The following ESRRB variants were observed in gnomAD, a reference collection of about 807,000 sequenced individuals.
ESRRB encodes the protein steroid hormone receptor ERR2.
A neutral mutation model predicts 46.0 loss-of-function variants in ESRRB; 16 were observed. The observed-to-expected ratio is 0.35, with a 90% confidence interval of 0.24 to 0.53. The LOEUF (loss-of-function observed/expected upper bound fraction) is 0.53, where lower values mean the gene tolerates loss of function less well. ESRRB is among the 20% of genes least tolerant of loss of function. The pLI is 0.93. For missense variants in ESRRB, 488 were observed against 607.4 expected (o/e 0.80, Z 2.07); for synonymous variants, 246 against 259.6 (o/e 0.95, Z 0.50).
Position 76,482,204 on chromosome 14 carries a change from T to A in ESRRB, c.688+78T>A, listed in dbSNP as rs1346681070. On this transcript the variant is annotated intron_variant, in intron 4 of 6. Transcript: ENST00000644823. The surrounding 1 kb of genome is among the most constrained non-coding windows in gnomAD (Gnocchi z 4.3). ...TCAGGCATCCCTTAGGGAAACATCATCTTCCCACCACTGGGTCATGAGACA... is the reference window on the plus strand; with the variant it reads ...TCAGGCATCCCTTAGGGAAACATCAACTTCCCACCACTGGGTCATGAGACA... 1 of 1,065,136 alleles carries A rather than the reference T, an allele frequency of 9.4e-7. No homozygotes were observed. Among genetic ancestry groups the A allele is most frequent in the African/African-American group, 1.6e-5 (1 of 64,218 alleles). 66.0% of individuals were successfully genotyped at this position (1,065,136 alleles called of 1,614,324 possible). A position where few individuals can be genotyped will look rare whatever the true frequency, so the allele number is the denominator to read the frequency against.
intron 1 of ESRRB, among the ~76,000 whole-genome samples, chr14:76,385,882 A>G (rs769254665): frequency 6.6e-6 from 1 of 152,202 alleles, no homozygotes; most frequent in Non-Finnish European, 1.5e-5. Flanking sequence ...TTAGATGTGT[A>G]GATTCTCTTT....
intron 1 of ESRRB, among the ~76,000 whole-genome samples, chr14:76,419,465 G>A (rs1595098700): frequency 6.6e-6 from 1 of 152,132 alleles, no homozygotes; most frequent in Non-Finnish European, 1.5e-5. Context: ...CTGGGGGTGA[G>A]AATATTCACC....
Position 76,491,576 on chromosome 14 carries a change from T to C in ESRRB, c.980T>C (p.Ile327Thr), listed in dbSNP as rs745788988. 2 of 1,592,090 alleles carry C rather than the reference T, an allele frequency of 1.3e-6. No individual in the cohort carries two copies. The change falls in exon 6 of 7, where the codon ATC becomes ACC. Residue 327 changes from isoleucine (I) to threonine (T), a missense_variant. Physicochemically the swap from Ile to Thr is moderately conservative, Grantham distance 89. Transcript: ENST00000644823. ...AAGCTGGTGTACGCTGAGGACTACA[T>C]CATGGATGAGGAGCACTCCCGCCTC... ...DDKLVYAEDY[I>T]MDEEHSRLAG...
In ESRRB at chr14:76,439,438, G is replaced by A. The variant is rs1443478910; in HGVS notation, c.148G>A (p.Ala50Thr). 11 of 1,613,398 alleles carry A rather than the reference G, an allele frequency of 6.8e-6. No individual in the cohort carries two copies. Among genetic ancestry groups the A allele is most frequent in the Non-Finnish European group, 9.3e-6 (11 of 1,179,874 alleles). ...GTCCAGCCCGTCCTCGGGCATCGAT[G>A]CCCTCAGCCACCACAGCCCCAGTGG... ...EPSSPSSGID[A>T]LSHHSPSGSS... The change falls in exon 2 of 7, where the codon GCC (alanine) becomes ACC (threonine). Residue 50 changes from alanine (A) to threonine (T), a missense_variant. By Grantham distance (58) the Ala-to-Thr change is moderately conservative (BLOSUM62 0). Coordinates refer to ENST00000644823, the MANE Select transcript of ESRRB (RefSeq NM_001379180.1).
chr14:76,386,460 T>A (rs1336449337), intron 1 of ESRRB, among the ~76,000 whole-genome samples: 2 of 146,962 alleles, frequency 1.4e-5, no homozygotes, highest in East Asian at 3.9e-4. Flanking sequence ...TTTAATTTTT[T>A]TTTTTTTTTT....
chr14:76,362,427 T>C (rs866507790), intron 1 of ESRRB, among the ~76,000 whole-genome samples: 18 of 152,224 alleles, frequency 1.2e-4, no homozygotes, highest in African/African-American at 4.3e-4. Context: ...ATGATGCTGT[T>C]TGAGTTCTAC....
chr14:76,379,106 G>A (rs934288370), intron 1 of ESRRB, among the ~76,000 whole-genome samples: 1 of 152,170 alleles, frequency 6.6e-6, no homozygotes, highest in Non-Finnish European at 1.5e-5. Context: ...TTTCCCAGGT[G>A]AGAAATGAAC....
intron 1 of ESRRB, among the ~76,000 whole-genome samples, chr14:76,319,751 T>C (rs950351852): frequency 3.9e-5 from 6 of 152,160 alleles, no homozygotes; most frequent in Non-Finnish European, 8.8e-5. Context: ...GGTGGTGGTG[T>C]CTTTCTTCGG....
At chr14:76,456,772 T>C (rs537751310) in intron 2 of ESRRB, among the ~76,000 whole-genome samples, 1 of 152,214 alleles carries the variant, frequency 6.6e-6, no homozygotes, top group Admixed American at 6.5e-5. Context: ...AATTTCGTGA[T>C]AGTGGAAGCC....
chr14:76,379,077 G>A (rs1479381104), intron 1 of ESRRB, among the ~76,000 whole-genome samples: 2 of 152,176 alleles, frequency 1.3e-5, no homozygotes, highest in South Asian at 4.1e-4. Context: ...ATTTGTTAAT[G>A]CTGTAGAATC....
At chr14:76,335,019 C>G (rs1884109668) in intron 1 of ESRRB, among the ~76,000 whole-genome samples, 1 of 152,144 alleles carries the variant, frequency 6.6e-6, no homozygotes, top group Non-Finnish European at 1.5e-5. Context: ...GCCTTCTGGG[C>G]CGGCCTCACC....
intron 3 of ESRRB, among the ~76,000 whole-genome samples, chr14:76,479,300 A>G (rs1342573474): frequency 6.6e-6 from 1 of 152,026 alleles, no homozygotes; most frequent in Non-Finnish European, 1.5e-5. Context: ...TGGCCACCAG[A>G]GTCTGCTCAG....
In ESRRB at chr14:76,424,466, T is replaced by C. The variant is rs747039655; in HGVS notation, c.51-14875T>C. 8.5e-5 allele frequency among the ~76,000 whole-genome samples: 13 copies of C among 152,312 alleles called. 1 individual carries two copies. In the South Asian group the frequency reaches 1.2e-3, roughly 15 times the overall value. On this transcript the variant is annotated intron_variant, in intron 1 of 6. Coordinates refer to ENST00000644823, the MANE Select transcript of ESRRB (RefSeq NM_001379180.1). ...GGCTATGTAGAAAGGGCCATGGCCA[T>C]GACCAGGGAGTGGATAGAAGTGTCG...
chr14:76,465,188 C>T (rs1478760431), intron 3 of ESRRB, among the ~76,000 whole-genome samples: 1 of 152,136 alleles, frequency 6.6e-6, no homozygotes, highest in Non-Finnish European at 1.5e-5. Context: ...TGACTCCTAC[C>T]CTCAGTCACA....
intron 2 of ESRRB, among the ~76,000 whole-genome samples, chr14:76,456,038 G>GTACA (rs1555399438): frequency 1.5e-5 from 2 of 137,186 alleles, no homozygotes; most frequent in Admixed American, 7.4e-5. Context: ...AGCGAAACTC[G>GTACA]CACACACACA....
chr14:76,492,430 G>C (rs115027552), intron 6 of ESRRB, among the ~76,000 whole-genome samples: 2,014 of 152,326 alleles, frequency 0.013, 53 homozygotes, highest in African/African-American at 0.046. Flanking sequence ...GCCTCCCAAA[G>C]TGTTGGCACT....
At chr14:76,348,439 G>A (rs749763048) in intron 1 of ESRRB, among the ~76,000 whole-genome samples, 2 of 152,180 alleles carry the variant, frequency 1.3e-5, no homozygotes, top group Non-Finnish European at 2.9e-5. Context: ...TGTCTAAAAT[G>A]TAAGTCAGGA....
Position 76,376,185 on chromosome 14 carries a change from C to G in ESRRB, c.-217C>G, listed in dbSNP as rs1277870178. The G allele has an allele frequency of 2.5e-6, 1 of 393,350 alleles. No individual in the cohort carries two copies. Among genetic ancestry groups the G allele is most frequent in the African/African-American group, 2.1e-5 (1 of 48,492 alleles). The allele number at this position is 393,350 out of a possible 1,614,324, so 24.4% of individuals were successfully genotyped here. ...TCCACGGCTTCGCATCCCCTCTGCC[C>G]GCTCTCTCCGGAGCGTGCGGATGAG... On this transcript the variant is annotated 5_prime_UTR_variant, in exon 1 of 7. Transcript: ENST00000644823. The surrounding 1 kb of genome is among the most constrained non-coding windows in gnomAD (Gnocchi z 4.1).
In ESRRB at chr14:76,498,721, C is replaced by T. The variant is rs749859734; in HGVS notation, c.*263C>T. The T allele has an allele frequency of 1.8e-5, 22 of 1,210,632 alleles. No individual in the cohort carries two copies. Among genetic ancestry groups the T allele is most frequent in the Middle Eastern group, 2.0e-4 (1 of 4,928 alleles). The allele number at this position is 1,210,632 out of a possible 1,614,324, so 75.0% of individuals were successfully genotyped here. Reference sequence around the variant, plus strand: ...TGTCTTTCCTTCTCCATGGACGGTGCGGAGGCCTGGGCCAGGGCTGACTCC... The same window carrying T: ...TGTCTTTCCTTCTCCATGGACGGTGTGGAGGCCTGGGCCAGGGCTGACTCC... On this transcript the variant is annotated 3_prime_UTR_variant, in exon 7 of 7. Coordinates refer to ENST00000644823, the MANE Select transcript of ESRRB (RefSeq NM_001379180.1).
Sources: allele counts gnomAD v4.1 joint callset (sites outside exome capture counted in the v4.1 genomes callset), GRCh38; gene constraint gnomAD v4.1.1; non-coding constraint Gnocchi (gnomAD v3.1); transcripts MANE v1.5; gene names NCBI Gene and HGNC (gene_info 2026-07-23, HGNC 2026-07-21).